SLAMF7: variants seen among roughly 807,000 people sequenced by gnomAD.
SLAMF7 encodes SLAM family member 7, also known as 19A24 protein.
In SLAMF7, 26 loss-of-function variants were observed where a neutral mutation model predicts 34.1. That is an observed-to-expected ratio of 0.76 (90% CI 0.56 to 1.06). The LOEUF (loss-of-function observed/expected upper bound fraction) is 1.06. Ranked by LOEUF, SLAMF7 falls within the 50% of genes least tolerant of loss-of-function variation. SLAMF7 has a pLI of 0.00. For synonymous variants in SLAMF7, 171 were observed against 156.4 expected (o/e 1.09, Z -0.70); for missense variants, 399 against 402.5 (o/e 0.99, Z 0.07).
intron 1 of SLAMF7, among the ~76,000 whole-genome samples, chr1:160,745,171 A>T (rs1243645073): frequency 1.3e-5 from 2 of 152,216 alleles, no homozygotes; most frequent in African/African-American, 4.8e-5. Context: ...GTTGGCAGAG[A>T]CTTCAGATCT....
intron 1 of SLAMF7, among the ~76,000 whole-genome samples, chr1:160,741,548 T>G (rs561873815): frequency 5.3e-5 from 8 of 152,344 alleles, no homozygotes; most frequent in Admixed American, 5.2e-4. Flanking sequence ...TCAAACCACT[T>G]TGGGTTTTTT....
chr1:160,750,223 G>T (rs1485666075), intron 3 of SLAMF7, 81 bp from the exon 4 acceptor site: 4 of 1,583,978 alleles, frequency 2.5e-6, no homozygotes, highest in African/African-American at 1.4e-5. Context: ...CTGGGAGGAA[G>T]GTGGCAGGTG....
At position 160,751,418 on chromosome 1, in the gene SLAMF7, C is replaced by T. The variant is rs770488249; in HGVS notation, c.843C>T (p.Asn281=). Residue 281 remains asparagine, a synonymous_variant, in exon 5 of 7, where the codon AAC becomes AAT. Coordinates refer to ENST00000368043, the MANE Select transcript of SLAMF7 (RefSeq NM_021181.5). The part of the protein sequence containing the change: ...TPNICPHSGE[N]TEYDTIPHTN... ...ACATATGCCCCCATTCTGGAGAGAA[C>T]ACAGAGTACGACACAATCCCTCACA... 3.7e-6 allele frequency: 6 copies of T among 1,613,842 alleles called. No individual in the cohort carries two copies. The highest frequency in any genetic ancestry group is 3.3e-5 in the Admixed American group (2 of 60,024).
intron 1 of SLAMF7, among the ~76,000 whole-genome samples, chr1:160,740,086 G>T (rs1177033089): frequency 6.6e-6 from 1 of 152,068 alleles, no homozygotes; most frequent in African/African-American, 2.4e-5. Flanking sequence ...TCACATAACT[G>T]CTTCATTATG....
chr1:160,753,012 T>G (rs1337931849), intron 6 of SLAMF7, 94 bp from the exon 7 acceptor site: 50 of 1,214,172 alleles, frequency 4.1e-5, no homozygotes, highest in Non-Finnish European at 5.7e-5. Flanking sequence ...TTGGGTAACC[T>G]TGGAAATAAA....
intron 2 of SLAMF7, among the ~76,000 whole-genome samples, chr1:160,748,983 G>T (rs571064481): frequency 1.3e-5 from 2 of 152,338 alleles, no homozygotes; most frequent in South Asian, 2.1e-4. Flanking sequence ...AATCTAGACA[G>T]GAGAAATGCT....
chr1:160,753,229 C>A lies in SLAMF7; in HGVS notation c.*52C>A. The A allele has an allele frequency of 6.9e-7, 1 of 1,450,098 alleles. No individual in the cohort carries two copies. Among genetic ancestry groups the A allele is most frequent in the Non-Finnish European group, 9.6e-7 (1 of 1,043,848 alleles). 89.8% of individuals were successfully genotyped at this position (1,450,098 alleles called of 1,614,324 possible). A position where few individuals can be genotyped will look rare whatever the true frequency, so the allele number is the denominator to read the frequency against. On this transcript the variant is annotated 3_prime_UTR_variant, in exon 7 of 7. Coordinates refer to ENST00000368043, the MANE Select transcript of SLAMF7 (RefSeq NM_021181.5). ...GCTCAAAAAAAAAACAATTCTCGGC[C>A]CAAAGAAAACAATCAGAAGAATTCA...
intron 1 of SLAMF7, among the ~76,000 whole-genome samples, chr1:160,743,596 C>T (rs1324328973): frequency 6.6e-6 from 1 of 152,230 alleles, no homozygotes; most frequent in Non-Finnish European, 1.5e-5. Flanking sequence ...AGGCAGGTTA[C>T]AACCTTCACT....
rs1417861246 is a variant in SLAMF7, at chr1:160,744,035, A to G, written c.56-4159A>G. On this transcript the variant is annotated intron_variant, in intron 1 of 6. Transcript: ENST00000368043. ...GTAGTTATTTATTTAATGACTATCT[A>G]CCAACTCCGTAAGTGCCAGAATTAT... Among the ~76,000 whole-genome samples the G allele has an allele frequency of 2.0e-5, 3 of 152,284 alleles. No homozygotes were observed. In the East Asian group the frequency reaches 5.8e-4, roughly 29 times the overall value.
At chr1:160,749,358 C>A (rs182779204) in intron 2 of SLAMF7, among the ~76,000 whole-genome samples, 9 of 152,320 alleles carry the variant, frequency 5.9e-5, no homozygotes, top group Admixed American at 3.3e-4. Flanking sequence ...ACTACTCATT[C>A]TCTGAGGCAG....
rs1558056723 is a variant in SLAMF7, at chr1:160,748,428, A to C, written c.290A>C (p.Lys97Thr). Residue 97 changes from lysine (K) to threonine (T), a missense_variant, in exon 2 of 7, where the codon AAG becomes ACG. By Grantham distance (78) the Lys-to-Thr change is moderately conservative. Coordinates refer to ENST00000368043, the MANE Select transcript of SLAMF7 (RefSeq NM_021181.5). ...GYSLKLSKLK[K>T]NDSGIYYVGI... is the part of the protein sequence containing the mutation. Reference sequence around the variant, plus strand: ...TCCCTGAAGCTCAGCAAACTGAAGAAGAATGACTCAGGGATCTACTATGTG... The same window carrying C: ...TCCCTGAAGCTCAGCAAACTGAAGACGAATGACTCAGGGATCTACTATGTG... 3.1e-6 allele frequency: 5 copies of C among 1,614,024 alleles called. No homozygotes were observed. In the Admixed American group the frequency reaches 6.7e-5, roughly 22 times the overall value.
At position 160,750,438 on chromosome 1, in the gene SLAMF7, A is replaced by G; in HGVS notation, c.769+15A>G. ...GAGACAAGAAGGTAGAGCGTGTACT[A>G]TTTTTGTCCTCACCCACATTCATGT... On this transcript the variant is annotated intron_variant, in intron 4 of 6. Transcript: ENST00000368043. 6.2e-7 allele frequency: 1 copy of G among 1,611,042 alleles called. No individual in the cohort carries two copies. Among genetic ancestry groups the G allele is most frequent in the South Asian group, 1.1e-5 (1 of 90,714 alleles).
intron 4 of SLAMF7, chr1:160,750,924 T>C (rs1394853572): frequency 4.2e-6 from 1 of 236,490 alleles, no homozygotes; most frequent in African/African-American, 2.3e-5. Context: ...TTTCCCTGTC[T>C]CTCTCCAGTT....
intron 6 of SLAMF7, 68 bp from the exon 7 acceptor site, chr1:160,753,038 G>A: frequency 7.0e-7 from 1 of 1,435,086 alleles, no homozygotes. Flanking sequence ...CTGGATGTCA[G>A]GGTCTCCATG....
intron 1 of SLAMF7, among the ~76,000 whole-genome samples, chr1:160,742,414 C>T (rs1663819147): frequency 6.6e-6 from 1 of 152,158 alleles, no homozygotes; most frequent in South Asian, 2.1e-4. Context: ...TGCTGAGAAG[C>T]CATCCAAAGG....
chr1:160,741,137 G>A (rs186568586), intron 1 of SLAMF7, among the ~76,000 whole-genome samples: 1 of 152,272 alleles, frequency 6.6e-6, no homozygotes, highest in Non-Finnish European at 1.5e-5. Flanking sequence ...ACCAACAGGG[G>A]GCCACCCTGG....
At chr1:160,752,614 C>T (rs1202696875) in intron 6 of SLAMF7, among the ~76,000 whole-genome samples, 3 of 152,196 alleles carry the variant, frequency 2.0e-5, no homozygotes, top group African/African-American at 4.8e-5. Context: ...TCTCCTGAGA[C>T]ACCAGGAAAC....
chr1:160,747,997 T>C (rs944658266), intron 1 of SLAMF7, among the ~76,000 whole-genome samples, 197 bp from the exon 2 acceptor site: 1 of 152,212 alleles, frequency 6.6e-6, no homozygotes, highest in East Asian at 1.9e-4. Context: ...AAATTTCTAA[T>C]ATAATGCTTC....
rs1204354092 is a variant in SLAMF7, at chr1:160,749,908, A to G, written c.464A>G (p.His155Arg). Residue 155 changes from histidine to arginine, a missense_variant, in exon 3 of 7, where the codon CAT becomes CGT. By Grantham distance (29) the His-to-Arg change is conservative (BLOSUM62 0). Transcript: ENST00000368043. Reference sequence around the variant, plus strand: ...ACCAATCTGACATGCTGCATGGAACATGGGGAAGAGGATGTGATTTATACC... The same window carrying G: ...ACCAATCTGACATGCTGCATGGAACGTGGGGAAGAGGATGTGATTTATACC... ...CVTNLTCCME[H>R]GEEDVIYTWK... The G allele has an allele frequency of 6.2e-7, 1 of 1,614,150 alleles. No individual in the cohort carries two copies. The highest frequency in any genetic ancestry group is 1.1e-5 in the South Asian group (1 of 91,082).
Sources: gnomAD v4.1 joint callset for allele counts (sites outside exome capture counted in the v4.1 genomes callset) on GRCh38, gnomAD v4.1.1 for gene constraint, MANE v1.5 for transcripts, NCBI Gene and HGNC (gene_info 2026-07-23, HGNC 2026-07-21) for gene names.